Variants in CHD3 observed in about 807,000 individuals in gnomAD.
The protein encoded by CHD3 is ATP-dependent chromatin remodeler CHD3.
A neutral mutation model predicts 248.9 loss-of-function variants in CHD3; 52 were observed. The observed-to-expected ratio is 0.21, with a 90% CI of 0.17 to 0.26. CHD3 has a LOEUF of 0.26. Ranked by LOEUF, CHD3 falls within the 10% of genes least tolerant of loss-of-function variation. The probability of loss-of-function intolerance (pLI) is 1.00; values close to 1 mark genes in which losing one functional copy is unlikely to be tolerated. For synonymous variants in CHD3, 985 were observed against 985.2 expected (o/e 1.00, Z 0.00); for missense variants, 1,482 against 2,605.8 (o/e 0.57, Z 9.39).
chr17:7,890,528 A>G (rs1179628809), intron 2 of CHD3, 43 bp from the exon 3 acceptor site: 2 of 1,368,288 alleles, frequency 1.5e-6, no homozygotes, highest in Middle Eastern at 2.2e-4. Flanking sequence ...GTTTCTGGCA[A>G]TGGTAGGGAT....
intron 2 of CHD3, chr17:7,890,359 G>A (rs1597918840): frequency 2.4e-6 from 1 of 410,164 alleles, no homozygotes; most frequent in Admixed American, 4.1e-5. Context: ...AACCCGGGAG[G>A]TGGAGGTTGC....
Position 7,889,592 on chromosome 17 carries a change from A to G in CHD3, c.101-72A>G. ...AGAGTGGGAACTGCCGAGGTGGGGA[A>G]GGGGCAAGTTGAGGGGCCTCAGAGG... On this transcript the variant is annotated intron_variant, in intron 1 of 39. Coordinates refer to ENST00000330494, the MANE Select transcript of CHD3 (RefSeq NM_001005273.3). The surrounding 1 kb of genome is among the most constrained non-coding windows in gnomAD (Gnocchi z 4.5). The G allele has an allele frequency of 1.5e-6, 2 of 1,295,730 alleles. No homozygotes were observed. Among genetic ancestry groups the G allele is most frequent in the East Asian group, 2.5e-5 (1 of 39,964 alleles). 80.3% of individuals were successfully genotyped at this position (1,295,730 alleles called of 1,614,324 possible).
Position 7,907,343 on chromosome 17 carries a change from C to T in CHD3, c.4789-10C>T, listed in dbSNP as rs201488618. On this transcript the variant is annotated splice_polypyrimidine_tract_variant and intron_variant, in intron 31 of 39. Coordinates refer to ENST00000330494, the MANE Select transcript of CHD3 (RefSeq NM_001005273.3). This position sits in a 1 kb window ranked among gnomAD's most constrained non-coding sequence, Gnocchi z 4.3. Reference sequence around the variant, plus strand: ...CTCTGGCTCATCCTGACCCCATTGTCCTCTTCCAGGCTGATGCCCCCAGCC... The same window carrying T: ...CTCTGGCTCATCCTGACCCCATTGTTCTCTTCCAGGCTGATGCCCCCAGCC... The T allele has an allele frequency of 7.5e-6, 12 of 1,607,810 alleles. No individual in the cohort carries two copies. Among genetic ancestry groups the T allele is most frequent in the African/African-American group, 1.3e-5 (1 of 74,916 alleles).
Position 7,908,306 on chromosome 17 carries a change from C to T in CHD3, c.5153-96C>T. 1 of 1,041,892 alleles carries T rather than the reference C, an allele frequency of 9.6e-7. No individual in the cohort carries two copies. 64.5% of individuals were successfully genotyped at this position (1,041,892 alleles called of 1,614,324 possible). On this transcript the variant is annotated intron_variant, in intron 34 of 39. Coordinates refer to ENST00000330494, the MANE Select transcript of CHD3 (RefSeq NM_001005273.3). The surrounding 1 kb of genome is among the most constrained non-coding windows in gnomAD (Gnocchi z 5.8). ...TTCCTCTTCAGGAGCCCTTAGTTCC[C>T]TTTCATTATTCAGTTTCTCCATCTC...
rs1971170139 is a variant in CHD3 at position 7,907,760 on chromosome 17, T to C, written c.5026+58T>C. On this transcript the variant is annotated intron_variant, in intron 33 of 39. Transcript: ENST00000330494. The surrounding 1 kb of genome is among the most constrained non-coding windows in gnomAD (Gnocchi z 4.3). ...CCAGAGGGCATCAGGGGAGGTGGAG[T>C]CTGGGGAACCGAATGCTTGGGTCCT... The C allele has an allele frequency of 4.0e-6, 6 of 1,503,184 alleles. No individual in the cohort carries two copies. The highest frequency in any genetic ancestry group is 5.3e-6 in the Non-Finnish European group (6 of 1,126,630). The allele number at this position is 1,503,184 out of a possible 1,614,324, so 93.1% of individuals were successfully genotyped here. A position where few individuals can be genotyped will look rare whatever the true frequency, so the allele number is the denominator to read the frequency against.
rs184223900 is a variant in CHD3, at chr17:7,890,747, T to C, written c.384+6T>C. Reference sequence around the variant, plus strand: ...AGGGAGATGGGGGGCAAAAGGTGAGTAGAATTAGGGAATGAGAGTGAGAAA... The same window carrying C: ...AGGGAGATGGGGGGCAAAAGGTGAGCAGAATTAGGGAATGAGAGTGAGAAA... On this transcript the variant is annotated splice_donor_region_variant and intron_variant, in intron 3 of 39. Coordinates refer to ENST00000330494, the MANE Select transcript of CHD3 (RefSeq NM_001005273.3). 1.9e-6 allele frequency: 3 copies of C among 1,571,794 alleles called. No individual in the cohort carries two copies. The highest frequency in any genetic ancestry group is 1.7e-6 in the Non-Finnish European group (2 of 1,163,796).
At position 7,907,584 on chromosome 17, in the gene CHD3, C is replaced by G. The variant is rs767697819; in HGVS notation, c.4925-17C>G. On this transcript the variant is annotated splice_polypyrimidine_tract_variant and intron_variant, in intron 32 of 39. Transcript: ENST00000330494. This position sits in a 1 kb window ranked among gnomAD's most constrained non-coding sequence, Gnocchi z 4.3. ...AGGGTAACATCCTCCCTTCCTATCC[C>G]CTACCCCCTCCCACAGCCACAGAGT... 1 of 1,511,526 alleles carries G rather than the reference C, an allele frequency of 6.6e-7. No individual in the cohort carries two copies. The highest frequency in any genetic ancestry group is 8.8e-7 in the Non-Finnish European group (1 of 1,132,512). 93.6% of individuals were successfully genotyped at this position (1,511,526 alleles called of 1,614,324 possible). A position where few individuals can be genotyped will look rare whatever the true frequency, so the allele number is the denominator to read the frequency against.
Position 7,897,517 on chromosome 17 carries a change from A to G in CHD3, c.1919+223A>G, listed in dbSNP as rs1969833343. 6.6e-6 allele frequency among the ~76,000 whole-genome samples: 1 copy of G among 152,214 alleles called. No homozygotes were observed. Among genetic ancestry groups the G allele is most frequent in the South Asian group, 2.1e-4 (1 of 4,830 alleles). The stretch of plus-strand genomic sequence containing the variant: ...CCTCTTTTGTCCTTTGCCTCCTGTC[A>G]TCTCCAGTGGCATAAGACATAGCAC... On this transcript the variant is annotated intron_variant, in intron 11 of 39. Transcript: ENST00000330494. The surrounding 1 kb of genome is among the most constrained non-coding windows in gnomAD (Gnocchi z 4.8).
Position 7,907,042 on chromosome 17 carries a change from G to A in CHD3, c.4666+11G>A, listed in dbSNP as rs758879746. The stretch of plus-strand genomic sequence containing the variant: ...GCACCTCTAAACCTGGTAATCAGAA[G>A]TCAGGATGGTGGGAGAGACAGAAAG... On this transcript the variant is annotated intron_variant, in intron 30 of 39. Transcript: ENST00000330494. The surrounding 1 kb of genome is among the most constrained non-coding windows in gnomAD (Gnocchi z 4.3). 1.2e-6 allele frequency: 2 copies of A among 1,614,094 alleles called. No homozygotes were observed. The highest frequency in any genetic ancestry group is 1.7e-5 in the Admixed American group (1 of 60,018).
chr17:7,902,480 T>G (rs1970435965), intron 20 of CHD3, 130 bp from the exon 21 acceptor site: 1 of 513,096 alleles, frequency 1.9e-6, no homozygotes, highest in Admixed American at 2.8e-5. Context: ...GGTGGAATAA[T>G]GAGGAGCTTA....
In CHD3 at chr17:7,910,678, T is replaced by G. The variant is rs889646749; in HGVS notation, c.5754+87T>G. 1 of 1,523,850 alleles carries G rather than the reference T, an allele frequency of 6.6e-7. No individual in the cohort carries two copies. Among genetic ancestry groups the G allele is most frequent in the Non-Finnish European group, 8.8e-7 (1 of 1,133,428 alleles). 94.4% of individuals were successfully genotyped at this position (1,523,850 alleles called of 1,614,324 possible). A position where few individuals can be genotyped will look rare whatever the true frequency, so the allele number is the denominator to read the frequency against. On this transcript the variant is annotated intron_variant, in intron 38 of 39. Coordinates refer to ENST00000330494, the MANE Select transcript of CHD3 (RefSeq NM_001005273.3). This position sits in a 1 kb window ranked among gnomAD's most constrained non-coding sequence, Gnocchi z 4.7. The stretch of plus-strand genomic sequence containing the variant: ...ACACTTCCATCAGAATCCTATACAA[T>G]ATGGAAAAACAACTTGCTAGAACAC...
Position 7,895,040 on chromosome 17 carries a change from G to A in CHD3, c.1393G>A (p.Gly465Ser), listed in dbSNP as rs774919960. The change falls in exon 9 of 40, where the codon GGC becomes AGC. Residue 465 changes from glycine (G) to serine (S), a missense_variant. By Grantham distance (56) the Gly-to-Ser change is moderately conservative (BLOSUM62 0). Coordinates refer to ENST00000330494, the MANE Select transcript of CHD3 (RefSeq NM_001005273.3). The surrounding 1 kb of genome is among the most constrained non-coding windows in gnomAD (Gnocchi z 4.9). ...GGAGTACTGCCGCGTATGCAAGGACGGCGGGGAGCTCCTGTGCTGTGACGC... is the reference window on the plus strand; with the variant it reads ...GGAGTACTGCCGCGTATGCAAGGACAGCGGGGAGCTCCTGTGCTGTGACGC... ...HMEYCRVCKD[G>S]GELLCCDACI... The A allele has an allele frequency of 3.1e-6, 5 of 1,614,030 alleles. No individual in the cohort carries two copies. Among genetic ancestry groups the A allele is most frequent in the Admixed American group, 1.7e-5 (1 of 60,006 alleles).
Position 7,911,380 on chromosome 17 carries a change from T to G in CHD3, c.5882-84T>G. The G allele has an allele frequency of 6.2e-7, 1 of 1,605,850 alleles. No homozygotes were observed. On this transcript the variant is annotated intron_variant, in intron 39 of 39. Coordinates refer to ENST00000330494, the MANE Select transcript of CHD3 (RefSeq NM_001005273.3). The surrounding 1 kb of genome is among the most constrained non-coding windows in gnomAD (Gnocchi z 5.4). ...CAACGGGAAGTGGCAGGAGGTGACC[T>G]AGAAGTGAGAATTCACCATTGTCAT...
In CHD3 at chr17:7,907,566, C is replaced by T; in HGVS notation, c.4925-35C>T. On this transcript the variant is annotated intron_variant, in intron 32 of 39. Coordinates refer to ENST00000330494, the MANE Select transcript of CHD3 (RefSeq NM_001005273.3). This position sits in a 1 kb window ranked among gnomAD's most constrained non-coding sequence, Gnocchi z 4.3. ...TTCTGGGGTCAGGGGATGAGGGTAA[C>T]ATCCTCCCTTCCTATCCCCTACCCC... 1 of 1,521,484 alleles carries T rather than the reference C, an allele frequency of 6.6e-7. No homozygotes were observed. The highest frequency in any genetic ancestry group is 2.3e-5 in the East Asian group (1 of 43,734). The allele number at this position is 1,521,484 out of a possible 1,614,324, so 94.2% of individuals were successfully genotyped here.
chr17:7,901,511 T>G (rs1391126626), intron 20 of CHD3, 136 bp downstream of exon 20: 6 of 757,916 alleles, frequency 7.9e-6, no homozygotes, highest in South Asian at 7.2e-5. Context: ...AGAGTTTTTT[T>G]TTTTTTTTTT....
rs1567850533 is a variant in CHD3 at position 7,897,544 on chromosome 17, T to C, written c.1919+250T>C. Among the ~76,000 whole-genome samples the C allele has an allele frequency of 6.6e-6, 1 of 152,198 alleles. No individual in the cohort carries two copies. The highest frequency in any genetic ancestry group is 1.5e-5 in the Non-Finnish European group (1 of 68,044). ...CTCCAGTGGCATAAGACATAGCACATGAGTCTGGGGATGAGGGCATGAAAG... is the reference window on the plus strand; with the variant it reads ...CTCCAGTGGCATAAGACATAGCACACGAGTCTGGGGATGAGGGCATGAAAG... On this transcript the variant is annotated intron_variant, in intron 11 of 39. Coordinates refer to ENST00000330494, the MANE Select transcript of CHD3 (RefSeq NM_001005273.3). The surrounding 1 kb of genome is among the most constrained non-coding windows in gnomAD (Gnocchi z 4.8).
In CHD3 at chr17:7,889,204, C is replaced by T; in HGVS notation, c.100+104C>T. The T allele has an allele frequency of 1.4e-6, 2 of 1,420,786 alleles. No individual in the cohort carries two copies. Among genetic ancestry groups the T allele is most frequent in the Non-Finnish European group, 1.9e-6 (2 of 1,028,350 alleles). The allele number at this position is 1,420,786 out of a possible 1,614,324, so 88.0% of individuals were successfully genotyped here. On this transcript the variant is annotated intron_variant, in intron 1 of 39. Coordinates refer to ENST00000330494, the MANE Select transcript of CHD3 (RefSeq NM_001005273.3). The surrounding 1 kb of genome is among the most constrained non-coding windows in gnomAD (Gnocchi z 4.5). ...ACCCAGGTGTCCACCTTTGGCTCTC[C>T]CTCCCCAGCATCTGGCTTAGGGAGC... is the stretch of plus-strand genomic sequence containing the variant.
intron 4 of CHD3, among the ~76,000 whole-genome samples, chr17:7,891,893 G>A (rs1379380762): frequency 6.6e-6 from 1 of 151,764 alleles, no homozygotes; most frequent in Non-Finnish European, 1.5e-5. Flanking sequence ...TAGTGCCGAT[G>A]TATTTTGTTT....
rs777609556 is a variant in CHD3, at chr17:7,906,189, G to T, written c.4358+200G>T. The T allele has an allele frequency of 4.6e-6, 4 of 869,770 alleles. No individual in the cohort carries two copies. The highest frequency in any genetic ancestry group is 2.4e-5 in the East Asian group (1 of 41,292). 53.9% of individuals were successfully genotyped at this position (869,770 alleles called of 1,614,324 possible). On this transcript the variant is annotated intron_variant, in intron 28 of 39. Coordinates refer to ENST00000330494, the MANE Select transcript of CHD3 (RefSeq NM_001005273.3). This position sits in a 1 kb window ranked among gnomAD's most constrained non-coding sequence, Gnocchi z 5.0. ...CCCTCAGCCGAGCCTAGAGTAGAGG[G>T]GCCAGGCATCCTCCCCAGGGGAGGG...
Sources: allele counts gnomAD v4.1 joint callset (sites outside exome capture counted in the v4.1 genomes callset), GRCh38; gene constraint gnomAD v4.1.1; non-coding constraint Gnocchi (gnomAD v3.1); transcripts MANE v1.5; gene names NCBI Gene and HGNC (gene_info 2026-07-23, HGNC 2026-07-21).